BICD2: variants seen among roughly 807,000 people sequenced by gnomAD.
BICD2 encodes the protein protein bicaudal D homolog 2.
BICD2 carries 25 observed loss-of-function variants against 72.9 expected under a neutral mutation model. The observed-to-expected ratio is 0.34, with a 90% confidence interval of 0.25 to 0.48. The LOEUF is 0.48. BICD2 is among the 20% of genes least tolerant of loss of function. The probability of loss-of-function intolerance (pLI) is 0.99; values close to 1 mark genes in which losing one functional copy is unlikely to be tolerated. For missense variants in BICD2, 894 were observed against 1,175.2 expected (o/e 0.76, Z 3.50); for synonymous variants, 501 against 516.1 (o/e 0.97, Z 0.40).
At chr9:92,756,426 T>G (rs1220542010) in intron 1 of BICD2, among the ~76,000 whole-genome samples, 1 of 151,800 alleles carries the variant, frequency 6.6e-6, no homozygotes, top group Non-Finnish European at 1.5e-5. Flanking sequence ...CAAGCCCGGC[T>G]AATTTTTTGT....
intron 1 of BICD2, among the ~76,000 whole-genome samples, chr9:92,742,000 CTT>C (rs1853905817): frequency 6.6e-6 from 1 of 152,126 alleles, no homozygotes. Flanking sequence ...CAGATATTAA[CTT>C]AACTAGAAAC....
chr9:92,730,101 A>C (rs2131511311), intron 1 of BICD2, among the ~76,000 whole-genome samples: 1 of 152,092 alleles, frequency 6.6e-6, no homozygotes, highest in East Asian at 1.9e-4. Context: ...CCCACTGCCC[A>C]CTACCCCCAC....
Position 92,714,492 on chromosome 9 carries a change from G to A in BICD2, c.*662C>T, listed in dbSNP as rs1388389485. The A allele has an allele frequency of 1.0e-6, 1 of 985,512 alleles. No individual in the cohort carries two copies. Among genetic ancestry groups the A allele is most frequent in the East Asian group, 1.1e-4 (1 of 8,812 alleles). 61.0% of individuals were successfully genotyped at this position (985,512 alleles called of 1,614,324 possible). On this transcript the variant is annotated 3_prime_UTR_variant, in exon 7 of 7. Coordinates refer to ENST00000356884, the MANE Select transcript of BICD2 (RefSeq NM_001003800.2). ...CTCAGAAATGAGAAACCGAGCTCTG[G>A]ATTCCTGGGTTATGGTCAGCTGTGT...
intron 1 of BICD2, among the ~76,000 whole-genome samples, chr9:92,735,758 T>TA (rs968719154): frequency 1.2e-4 from 18 of 152,076 alleles, no homozygotes; most frequent in Admixed American, 1.2e-3. Context: ...GCAGAAACAG[T>TA]AATGGCCTGC....
chr9:92,763,598 C>T (rs939723338), intron 1 of BICD2, among the ~76,000 whole-genome samples: 7 of 152,182 alleles, frequency 4.6e-5, no homozygotes, highest in Non-Finnish European at 7.3e-5. Context: ...CTGCAAACAA[C>T]GCTATGGAGT....
rs1243468345 is a variant in BICD2 at position 92,720,589 on chromosome 9, C to A, written c.773G>T (p.Arg258Leu). 6.2e-7 allele frequency: 1 copy of A among 1,614,070 alleles called. No homozygotes were observed. The highest frequency in any genetic ancestry group is 1.3e-5 in the African/African-American group (1 of 74,916). ...KTEREQKNSL[R>L]KELSHYMSIN... ...GCTCATGTAGTGTGACAGCTCCTTG[C>A]GCAGGCTGTTCTTCTGTTCGCGCTC... The change falls in exon 4 of 7, where the codon CGC (arginine) becomes CTC (leucine). Residue 258 changes from arginine (R) to leucine (L), a missense_variant. By Grantham distance (102) the Arg-to-Leu change is moderately radical. Transcript: ENST00000356884. This position sits in a 1 kb window ranked among gnomAD's most constrained non-coding sequence, Gnocchi z 5.4.
In BICD2 at chr9:92,754,074, G is replaced by A. The variant is rs1854206453; in HGVS notation, c.240+10431C>T. Among the ~76,000 whole-genome samples, 3 of 151,788 alleles carry A rather than the reference G, an allele frequency of 2.0e-5. No homozygotes were observed. In the South Asian group the frequency reaches 6.2e-4, roughly 32 times the overall value. On this transcript the variant is annotated intron_variant, in intron 1 of 6. Transcript: ENST00000356884. ...GCAGGAGAATGGCGTGAACCCGGGA[G>A]GCGGAGCTTGCAGTAAGCCAAGATC...
intron 6 of BICD2, among the ~76,000 whole-genome samples, chr9:92,716,905 TG>T (rs1441174935): frequency 6.6e-6 from 1 of 152,186 alleles, no homozygotes; most frequent in Non-Finnish European, 1.5e-5. Context: ...GAAAGAAAGC[TG>T]GTCTCCTCCA....
At chr9:92,726,052 G>C (rs1853561005) in intron 2 of BICD2, among the ~76,000 whole-genome samples, 3 of 152,236 alleles carry the variant, frequency 2.0e-5, no homozygotes. Flanking sequence ...ACTAGCAGGA[G>C]AGAAGCTGGA....
At chr9:92,733,428 C>T (rs1853715057) in intron 1 of BICD2, among the ~76,000 whole-genome samples, 1 of 151,472 alleles carries the variant, frequency 6.6e-6, no homozygotes, top group Non-Finnish European at 1.5e-5. Context: ...ATCCCAGCTT[C>T]TTGGGAGGCT....
Position 92,715,057 on chromosome 9 carries a change from A to G in BICD2, c.*97T>C. On this transcript the variant is annotated 3_prime_UTR_variant, in exon 7 of 7. Transcript: ENST00000356884. The stretch of plus-strand genomic sequence containing the variant: ...GCTAGACTCCTACCCTCTGTGCATT[A>G]GTCACGTTAAGATTGACCTAGCACC... 2.7e-6 allele frequency: 4 copies of G among 1,476,898 alleles called. No individual in the cohort carries two copies. The highest frequency in any genetic ancestry group is 3.6e-6 in the Non-Finnish European group (4 of 1,112,754). 91.5% of individuals were successfully genotyped at this position (1,476,898 alleles called of 1,614,324 possible). A position where few individuals can be genotyped will look rare whatever the true frequency, so the allele number is the denominator to read the frequency against.
At chr9:92,725,297 C>T (rs1371930718) in intron 2 of BICD2, among the ~76,000 whole-genome samples, 3 of 152,212 alleles carry the variant, frequency 2.0e-5, no homozygotes, top group African/African-American at 7.2e-5. Flanking sequence ...CAGAGGCACA[C>T]CCAGGTCAAA....
In BICD2 at chr9:92,731,352, A is replaced by G. The variant is rs546103061; in HGVS notation, c.241-2116T>C. On this transcript the variant is annotated intron_variant, in intron 1 of 6. Coordinates refer to ENST00000356884, the MANE Select transcript of BICD2 (RefSeq NM_001003800.2). ...AGCCCTGGATCTTTTCCTCTGCTTA[A>G]GCTCCCAGCCTGGGGCCCAAAACAC... is the stretch of plus-strand genomic sequence containing the variant. Among the ~76,000 whole-genome samples, 3 of 152,306 alleles carry G rather than the reference A, an allele frequency of 2.0e-5. No homozygotes were observed. In the East Asian group the frequency reaches 5.8e-4, roughly 29 times the overall value.
chr9:92,758,169 A>C (rs1854299721), intron 1 of BICD2, among the ~76,000 whole-genome samples: 1 of 151,478 alleles, frequency 6.6e-6, no homozygotes, highest in East Asian at 1.9e-4. Context: ...GTGCCACTGC[A>C]CTCCACGCTG....
chr9:92,714,345 T>G lies in BICD2; in HGVS notation c.*809A>C. Reference sequence around the variant, plus strand: ...TCACCCCAAGTACAAAAGGACGGGCTCTGCACTAAGGACCAAGGTCTGGCC... The same window carrying G: ...TCACCCCAAGTACAAAAGGACGGGCGCTGCACTAAGGACCAAGGTCTGGCC... On this transcript the variant is annotated 3_prime_UTR_variant, in exon 7 of 7. Transcript: ENST00000356884. 1 of 985,502 alleles carries G rather than the reference T, an allele frequency of 1.0e-6. No homozygotes were observed. Among genetic ancestry groups the G allele is most frequent in the Non-Finnish European group, 1.2e-6 (1 of 829,960 alleles). The allele number at this position is 985,502 out of a possible 1,614,324, so 61.0% of individuals were successfully genotyped here.
chr9:92,717,770 G>T, intron 6 of BICD2, 27 bp downstream of exon 6: 2 of 1,584,774 alleles, frequency 1.3e-6, no homozygotes, highest in Non-Finnish European at 1.7e-6. Context: ...CTTGTGGAAG[G>T]GGAGGGCCCG....
intron 1 of BICD2, among the ~76,000 whole-genome samples, chr9:92,730,121 G>A (rs1407566886): frequency 1.3e-5 from 2 of 152,188 alleles, no homozygotes; most frequent in East Asian, 1.9e-4. Context: ...CATAGCTGGC[G>A]TGGCAGGACA....
chr9:92,756,052 C>T (rs72758524), intron 1 of BICD2, among the ~76,000 whole-genome samples: 6,050 of 152,224 alleles, frequency 0.04, 185 homozygotes, highest in South Asian at 0.12. Context: ...ACCTCAGCAC[C>T]CTCAATGGTA....
chr9:92,745,952 T>C (rs900108792), intron 1 of BICD2, among the ~76,000 whole-genome samples: 3 of 152,160 alleles, frequency 2.0e-5, no homozygotes, highest in Non-Finnish European at 4.4e-5. Flanking sequence ...TGCATGAACA[T>C]CTGGGACTCG....
Sources: gnomAD v4.1 joint callset for allele counts (sites outside exome capture counted in the v4.1 genomes callset) on GRCh38, gnomAD v4.1.1 for gene constraint, Gnocchi (gnomAD v3.1) non-coding constraint, MANE v1.5 for transcripts, NCBI Gene and HGNC (gene_info 2026-07-23, HGNC 2026-07-21) for gene names.